CFAP54: variants seen among roughly 807,000 people sequenced by gnomAD.
The protein encoded by CFAP54 is cilia and flagella associated protein 54.
Under a neutral mutation model 370.4 loss-of-function variants are expected in CFAP54, and 290 were observed. That is an observed-to-expected ratio of 0.78 (90% CI 0.71 to 0.86). The LOEUF is 0.86. Among genes scored for constraint, CFAP54 ranks in the 40% least tolerant of loss-of-function variants. The probability of loss-of-function intolerance (pLI) is 0.00; values close to 1 mark genes in which losing one functional copy is unlikely to be tolerated. For synonymous variants in CFAP54, 1,206 were observed against 1,236.5 expected (o/e 0.98, Z 0.52); for missense variants, 3,399 against 3,528.7 (o/e 0.96, Z 0.93).
intron 13 of CFAP54, 38 bp from the exon 14 acceptor site, chr12:96,540,799 A>T (rs1269559653): frequency 7.7e-7 from 1 of 1,303,626 alleles, no homozygotes; most frequent in South Asian, 1.8e-5. Context: ...AGTTTCATAT[A>T]CTTTTAATTA....
intron 8 of CFAP54, 131 bp downstream of exon 8, chr12:96,522,320 G>A (rs1955329741): frequency 6.8e-6 from 4 of 585,118 alleles, no homozygotes; most frequent in African/African-American, 5.6e-5. Context: ...TGGGTAAATA[G>A]AGAGAAGAAT....
At chr12:96,700,781 A>G (rs1957483319) in intron 46 of CFAP54, among the ~76,000 whole-genome samples, 1 of 151,950 alleles carries the variant, frequency 6.6e-6, no homozygotes, top group Non-Finnish European at 1.5e-5. Flanking sequence ...AGATGCTTGG[A>G]CCCTCCTAGA....
At chr12:96,673,878 A>G (rs1460708859) in intron 39 of CFAP54, among the ~76,000 whole-genome samples, 1 of 152,194 alleles carries the variant, frequency 6.6e-6, no homozygotes, top group Non-Finnish European at 1.5e-5. Flanking sequence ...ACAGCATCCT[A>G]TTCTCCCTTC....
chr12:96,580,951 T>A lies in CFAP54; in HGVS notation c.2921T>A (p.Val974Glu). The change falls in exon 22 of 68, where the codon GTG becomes GAG. Residue 974 changes from valine (V) to glutamate (E), a missense_variant. Physicochemically the swap from Val to Glu is moderately radical, Grantham distance 121. Transcript: ENST00000524981. ...IPADGKSVFEVKGLETNEKYV... is the reference protein window; with the variant it reads ...IPADGKSVFEEKGLETNEKYV... Reference sequence around the variant, plus strand: ...GCTGACGGTAAAAGTGTTTTTGAAGTGAAAGGTTTAGAAACCAATGAAAAG... The same window carrying A: ...GCTGACGGTAAAAGTGTTTTTGAAGAGAAAGGTTTAGAAACCAATGAAAAG... The A allele has an allele frequency of 6.6e-7, 1 of 1,521,874 alleles. No individual in the cohort carries two copies. Among genetic ancestry groups the A allele is most frequent in the Non-Finnish European group, 8.8e-7 (1 of 1,140,596 alleles). The allele number at this position is 1,521,874 out of a possible 1,614,324, so 94.3% of individuals were successfully genotyped here.
At chr12:96,695,167 A>G (rs912194369) in intron 45 of CFAP54, among the ~76,000 whole-genome samples, 1 of 152,246 alleles carries the variant, frequency 6.6e-6, no homozygotes, top group Non-Finnish European at 1.5e-5. Flanking sequence ...ATCGGGGACA[A>G]GATGTGCACA....
intron 48 of CFAP54, among the ~76,000 whole-genome samples, chr12:96,716,851 G>A (rs546155314): frequency 3.5e-4 from 53 of 152,320 alleles, no homozygotes; most frequent in African/African-American, 1.3e-3. Context: ...TGCTCAGAAA[G>A]GAGAGGAGTA....
chr12:96,495,279 T>G (rs1326778244), intron 1 of CFAP54, among the ~76,000 whole-genome samples: 1 of 147,634 alleles, frequency 6.8e-6, no homozygotes, highest in Non-Finnish European at 1.5e-5. Flanking sequence ...CTTCCTTCCT[T>G]CCTTCCTTCC....
intron 67 of CFAP54, among the ~76,000 whole-genome samples, chr12:96,870,745 T>C (rs774169618): frequency 6.6e-6 from 1 of 152,184 alleles, no homozygotes; most frequent in Non-Finnish European, 1.5e-5. Flanking sequence ...GTGGCTTTTA[T>C]TGAACTACCA....
intron 65 of CFAP54, among the ~76,000 whole-genome samples, chr12:96,824,757 TTC>T (rs1386252996): frequency 6.6e-6 from 1 of 152,134 alleles, no homozygotes; most frequent in Non-Finnish European, 1.5e-5. Context: ...CCTAGCTGAT[TTC>T]TCTGTCTCTT....
intron 47 of CFAP54, 47 bp from the exon 48 acceptor site, chr12:96,708,561 A>T (rs766238639): frequency 3.3e-6 from 5 of 1,495,436 alleles, no homozygotes; most frequent in Non-Finnish European, 4.6e-6. Flanking sequence ...TAATATCTGA[A>T]AAAGTATTTT....
At chr12:96,643,336 T>C (rs541787542) in intron 32 of CFAP54, among the ~76,000 whole-genome samples, 3 of 152,244 alleles carry the variant, frequency 2.0e-5, no homozygotes, top group East Asian at 1.9e-4. Flanking sequence ...TGTTTCCTCC[T>C]CTGTTTCAAC....
At chr12:96,618,757 C>G (rs1443117715) in intron 26 of CFAP54, among the ~76,000 whole-genome samples, 4 of 152,212 alleles carry the variant, frequency 2.6e-5, no homozygotes, top group African/African-American at 4.8e-5. Context: ...AATTTTCTCT[C>G]TTAGCACACA....
At chr12:96,808,584 A>G (rs888591505) in intron 63 of CFAP54, among the ~76,000 whole-genome samples, 11 of 152,176 alleles carry the variant, frequency 7.2e-5, no homozygotes, top group African/African-American at 2.4e-4. Context: ...CCACCAAAAT[A>G]TGGCATATCG....
At chr12:96,733,364 G>A (rs886419589) in intron 50 of CFAP54, among the ~76,000 whole-genome samples, 1 of 152,110 alleles carries the variant, frequency 6.6e-6, no homozygotes, top group African/African-American at 2.4e-5. Context: ...ATAAAATTAT[G>A]TGTCAAGGAA....
intron 30 of CFAP54, 106 bp downstream of exon 30, chr12:96,627,045 C>T: frequency 1.4e-6 from 1 of 710,822 alleles, no homozygotes. Context: ...GGAGTATATA[C>T]AGTTAAAACC....
At position 96,680,640 on chromosome 12, in the gene CFAP54, A is replaced by G. The variant is rs560487623; in HGVS notation, c.5716+888A>G. ...TGCAGACAGAGTTTTATTTATTTAC[A>G]TATTTATTTGTTTGTTGTTGTTGCC... On this transcript the variant is annotated intron_variant, in intron 40 of 67. Coordinates refer to ENST00000524981, the MANE Select transcript of CFAP54 (RefSeq NM_001306084.2). Among the ~76,000 whole-genome samples, 17 of 152,140 alleles carry G rather than the reference A, an allele frequency of 1.1e-4. No homozygotes were observed. The South Asian group carries it at 2.7e-3, about 24-fold the overall frequency.
Position 96,636,482 on chromosome 12 carries a change from C to T in CFAP54, c.4316+5831C>T, listed in dbSNP as rs548853958. Among the ~76,000 whole-genome samples, 15 of 152,178 alleles carry T rather than the reference C, an allele frequency of 9.9e-5. No individual in the cohort carries two copies. The East Asian group carries it at 2.5e-3, about 25-fold the overall frequency. ...CTATAGTTACATCCTGTGTTTCATTCCTAAATTCATTAATCTTTGTCTTCT... is the reference window on the plus strand; with the variant it reads ...CTATAGTTACATCCTGTGTTTCATTTCTAAATTCATTAATCTTTGTCTTCT... On this transcript the variant is annotated intron_variant, in intron 32 of 67. Transcript: ENST00000524981.
intron 39 of CFAP54, among the ~76,000 whole-genome samples, chr12:96,677,004 T>A (rs1372645602): frequency 3.0e-5 from 1 of 32,854 alleles, no homozygotes; most frequent in African/African-American, 2.6e-4. Flanking sequence ...ATAAATTTCT[T>A]TTCTTTTCTT....
intron 39 of CFAP54, among the ~76,000 whole-genome samples, chr12:96,671,890 C>G (rs1957150701): frequency 1.3e-5 from 2 of 150,806 alleles, no homozygotes; most frequent in Admixed American, 1.3e-4. Flanking sequence ...CCATTGCACT[C>G]CAGCCTGCAT....
Sources: allele counts gnomAD v4.1 joint callset (sites outside exome capture counted in the v4.1 genomes callset), GRCh38; gene constraint gnomAD v4.1.1; transcripts MANE v1.5; gene names NCBI Gene and HGNC (gene_info 2026-07-23, HGNC 2026-07-21).